The following LRMDA variants were observed in gnomAD, a reference collection of about 807,000 sequenced individuals.
LRMDA encodes the protein leucine rich melanocyte differentiation associated.
LRMDA carries 18 observed loss-of-function variants against 29.8 expected under a neutral mutation model. The ratio of observed to expected loss-of-function variants is 0.60; its 90% CI spans 0.42 to 0.90. The LOEUF (loss-of-function observed/expected upper bound fraction) is 0.90. Among genes scored for constraint, LRMDA ranks in the 40% least tolerant of loss-of-function variants. The pLI is 0.00. For synonymous variants in LRMDA, 125 were observed against 109.4 expected (o/e 1.14, Z -0.89); for missense variants, 273 against 273.9 (o/e 1.00, Z 0.02).
intron 2 of LRMDA, among the ~76,000 whole-genome samples, chr10:75,577,861 C>T (rs1021322313): frequency 7.2e-5 from 11 of 152,060 alleles, no homozygotes; most frequent in Non-Finnish European, 1.6e-4. Context: ...TACCACTAGG[C>T]CTGCCTTACA....
chr10:75,837,071 G>A (rs781008413), intron 2 of LRMDA, among the ~76,000 whole-genome samples: 5 of 152,118 alleles, frequency 3.3e-5, no homozygotes, highest in Non-Finnish European at 7.4e-5. Flanking sequence ...TTGATATACT[G>A]ATATTGATAT....
chr10:76,010,103 G>A (rs1847750110), intron 2 of LRMDA, among the ~76,000 whole-genome samples: 1 of 152,070 alleles, frequency 6.6e-6, no homozygotes, highest in South Asian at 2.1e-4. Context: ...ACAGTCCTGG[G>A]AAAAGGCCTT....
chr10:76,112,416 A>G (rs951077104), intron 5 of LRMDA, among the ~76,000 whole-genome samples: 2 of 151,984 alleles, frequency 1.3e-5, no homozygotes, highest in Non-Finnish European at 2.9e-5. Flanking sequence ...GGCCCTCGTC[A>G]CCCTTCACTC....
At chr10:75,459,913 T>C (rs953289823) in intron 2 of LRMDA, among the ~76,000 whole-genome samples, 2 of 152,180 alleles carry the variant, frequency 1.3e-5, no homozygotes, top group Non-Finnish European at 2.9e-5. Context: ...ATCACTCTTA[T>C]TAATAAATGC....
intron 2 of LRMDA, among the ~76,000 whole-genome samples, chr10:75,924,765 C>T (rs531193940): frequency 4.0e-5 from 6 of 150,822 alleles, no homozygotes; most frequent in Admixed American, 6.6e-5. Context: ...GAGAGCAGCG[C>T]GGAGAGCACA....
intron 2 of LRMDA, among the ~76,000 whole-genome samples, chr10:75,895,570 T>C (rs1845567518): frequency 6.6e-6 from 1 of 152,168 alleles, no homozygotes; most frequent in African/African-American, 2.4e-5. Flanking sequence ...TAGGCTCTTA[T>C]ATCTCCTAGG....
rs570979975 is a variant in LRMDA, at chr10:76,138,445, TC to T, written c.516+79668del. On this transcript the variant is annotated intron_variant, in intron 5 of 6. Transcript: ENST00000611255. ...TCTACTTCACTATAAATAAACCTAC[TC>T]CCCCCATTTGCTTGCCTCCCCCAGG... 2.8e-3 allele frequency among the ~76,000 whole-genome samples: 430 copies of T among 152,068 alleles called. 2 individuals are homozygous for T. The highest frequency in any genetic ancestry group is 4.4e-3 in the Non-Finnish European group (299 of 67,998).
At chr10:75,626,082 G>A (rs766874534) in intron 2 of LRMDA, among the ~76,000 whole-genome samples, 82 of 151,380 alleles carry the variant, frequency 5.4e-4, no homozygotes, top group Admixed American at 9.2e-4. Flanking sequence ...AGCTGTTCTC[G>A]AACTCCTGGC....
chr10:76,362,772 G>T (rs1412722947), intron 6 of LRMDA, among the ~76,000 whole-genome samples: 1 of 152,040 alleles, frequency 6.6e-6, no homozygotes, highest in East Asian at 1.9e-4. Flanking sequence ...TAAGTTGGAA[G>T]ACTTAGATGA....
chr10:76,556,173 T>C (rs1283970204), intron 6 of LRMDA, among the ~76,000 whole-genome samples: 1 of 152,092 alleles, frequency 6.6e-6, no homozygotes, highest in Non-Finnish European at 1.5e-5. Flanking sequence ...CATTGTTAAG[T>C]CTCCTACAAT....
rs1338091170 is a variant in LRMDA, at chr10:75,618,382, C to CTCTA, written c.131+179889_131+179890insCTAT. Among the ~76,000 whole-genome samples the CTCTA allele has an allele frequency of 1.4e-3, 111 of 77,020 alleles. 1 individual carries two copies. The highest frequency in any genetic ancestry group is 4.2e-3 in the African/African-American group (100 of 24,048). The allele number at this position is 77,020 out of a possible 152,430, so 50.5% of individuals were successfully genotyped here. A position where few individuals can be genotyped will look rare whatever the true frequency, so the allele number is the denominator to read the frequency against. On this transcript the variant is annotated intron_variant, in intron 2 of 6. Coordinates refer to ENST00000611255, the MANE Select transcript of LRMDA (RefSeq NM_001305581.2). The stretch of plus-strand genomic sequence containing the variant: ...TCTCTCTCTCTCTCTCTCTCTCTCT[C>CTCTA]TATATATATATATATATATATATAT...
intron 2 of LRMDA, among the ~76,000 whole-genome samples, chr10:75,658,219 G>A (rs1229060319): frequency 1.3e-5 from 2 of 149,276 alleles, no homozygotes; most frequent in East Asian, 2.0e-4. Context: ...AACGTGCAAA[G>A]CCTTTTTCAC....
intron 5 of LRMDA, among the ~76,000 whole-genome samples, chr10:76,304,757 G>A (rs1281900196): frequency 6.6e-6 from 1 of 152,230 alleles, no homozygotes; most frequent in Non-Finnish European, 1.5e-5. Flanking sequence ...GGAGCAAAGT[G>A]TCTAGTAGGG....
intron 2 of LRMDA, among the ~76,000 whole-genome samples, chr10:75,513,538 A>G (rs1030311153): frequency 2.0e-5 from 3 of 152,114 alleles, no homozygotes; most frequent in African/African-American, 7.2e-5. Context: ...ACAATGCACA[A>G]TGTATTCCCT....
chr10:76,473,616 G>T (rs1842639597), intron 6 of LRMDA, among the ~76,000 whole-genome samples: 1 of 62,422 alleles, frequency 1.6e-5, no homozygotes, highest in South Asian at 3.4e-4. Context: ...TAAGGATTCT[G>T]CTAAAAAAAA....
chr10:76,085,498 C>T (rs1849119206), intron 5 of LRMDA, among the ~76,000 whole-genome samples: 1 of 152,142 alleles, frequency 6.6e-6, no homozygotes, highest in Non-Finnish European at 1.5e-5. Flanking sequence ...AGTCTGCTCG[C>T]CCCACACACT....
intron 6 of LRMDA, among the ~76,000 whole-genome samples, chr10:76,343,802 G>A (rs1481648870): frequency 6.8e-6 from 1 of 146,024 alleles, no homozygotes; most frequent in Non-Finnish European, 1.5e-5. Flanking sequence ...AAAGTTTCAT[G>A]TTTACAGGTG....
At chr10:76,111,300 G>C (rs996251525) in intron 5 of LRMDA, among the ~76,000 whole-genome samples, 1 of 152,194 alleles carries the variant, frequency 6.6e-6, no homozygotes, top group Non-Finnish European at 1.5e-5. Flanking sequence ...GACAGGGACC[G>C]TATCTTTTTT....
chr10:75,851,714 CAAATG>C (rs1340581917), intron 2 of LRMDA, among the ~76,000 whole-genome samples: 1 of 152,190 alleles, frequency 6.6e-6, no homozygotes, highest in African/African-American at 2.4e-5. Flanking sequence ...CATCATAAAT[CAAATG>C]AAATCCACTT....
Sources: gnomAD v4.1 joint callset for allele counts (sites outside exome capture counted in the v4.1 genomes callset) on GRCh38, gnomAD v4.1.1 for gene constraint, MANE v1.5 for transcripts, NCBI Gene and HGNC (gene_info 2026-07-23, HGNC 2026-07-21) for gene names.